ELMO1: variants seen among roughly 807,000 people sequenced by gnomAD.
ELMO1 encodes the protein engulfment and cell motility 1.
ELMO1 carries 26 observed loss-of-function variants against 98.9 expected under a neutral mutation model. The ratio of observed to expected loss-of-function variants is 0.26; its 90% CI spans 0.19 to 0.36. ELMO1 has a LOEUF of 0.36. ELMO1 is among the 10% of genes least tolerant of loss of function. The pLI is 1.00. For missense variants in ELMO1, 627 were observed against 935.2 expected (o/e 0.67, Z 4.30); for synonymous variants, 346 against 346.0 (o/e 1.00, Z 0.00).
rs547686562 is a variant in ELMO1 at position 37,027,140 on chromosome 7, A to T, written c.1301-13705T>A. Among the ~76,000 whole-genome samples the T allele has an allele frequency of 2.0e-5, 3 of 152,270 alleles. No individual in the cohort carries two copies. The East Asian group carries it at 5.8e-4, about 29-fold the overall frequency. ...AATAGTTCATCCTTCAAAATGACCC[A>T]TTCTTCCTCCCTCTCTCCCCCAACT... On this transcript the variant is annotated intron_variant, in intron 15 of 21. Coordinates refer to ENST00000310758, the MANE Select transcript of ELMO1 (RefSeq NM_014800.11).
chr7:36,888,302 T>A (rs747289294), intron 17 of ELMO1, among the ~76,000 whole-genome samples: 4 of 152,218 alleles, frequency 2.6e-5, no homozygotes, highest in Non-Finnish European at 5.9e-5. Context: ...TTGAGATCCA[T>A]TATGCTGCAA....
chr7:37,303,995 T>C (rs185592483), intron 4 of ELMO1, among the ~76,000 whole-genome samples: 2 of 152,292 alleles, frequency 1.3e-5, no homozygotes, highest in Admixed American at 1.3e-4. Context: ...GCTGCCCTGC[T>C]CTTCCGAGCT....
At chr7:37,032,543 G>A (rs1217308277) in intron 15 of ELMO1, among the ~76,000 whole-genome samples, 1 of 152,192 alleles carries the variant, frequency 6.6e-6, no homozygotes, top group Non-Finnish European at 1.5e-5. Context: ...CAGAGCCGCT[G>A]TTGATAAAAT....
intron 1 of ELMO1, among the ~76,000 whole-genome samples, chr7:37,383,965 G>A (rs1364259679): frequency 1.3e-5 from 2 of 152,050 alleles, no homozygotes; most frequent in African/African-American, 4.8e-5. Flanking sequence ...ACAAGCGCCC[G>A]CCACCGCGCC....
chr7:37,350,352 A>G (rs1231566114), intron 1 of ELMO1, among the ~76,000 whole-genome samples: 1 of 152,186 alleles, frequency 6.6e-6, no homozygotes, highest in Non-Finnish European at 1.5e-5. Flanking sequence ...GCTATTAGCT[A>G]CGGTTGGCTT....
chr7:36,897,792 A>C (rs1267850968), intron 16 of ELMO1, among the ~76,000 whole-genome samples: 1 of 152,230 alleles, frequency 6.6e-6, no homozygotes, highest in Non-Finnish European at 1.5e-5. Context: ...TAGATGCAAG[A>C]ATACATAAGT....
intron 1 of ELMO1, among the ~76,000 whole-genome samples, chr7:37,432,006 C>T (rs190671772): frequency 1.3e-5 from 2 of 152,256 alleles, no homozygotes; most frequent in Admixed American, 1.3e-4. Flanking sequence ...CTCAGCCTCC[C>T]GAGTATCTGG....
chr7:36,905,149 C>T (rs1308641798), intron 16 of ELMO1, among the ~76,000 whole-genome samples: 1 of 152,202 alleles, frequency 6.6e-6, no homozygotes, highest in African/African-American at 2.4e-5. Flanking sequence ...AACTCTTTCA[C>T]CAACAGGATT....
At position 37,271,796 on chromosome 7, in the gene ELMO1, G is replaced by C. The variant is rs201840532; in HGVS notation, c.243+36C>G. ...ACATATAGCAGAAACGCAGAGCAAA[G>C]AGTTTGCTGGAAGTCAGAAGCTAAG... On this transcript the variant is annotated intron_variant, in intron 5 of 21. Coordinates refer to ENST00000310758, the MANE Select transcript of ELMO1 (RefSeq NM_014800.11). 264 of 1,605,082 alleles carry C rather than the reference G, an allele frequency of 1.6e-4. 3 individuals carry two copies. In the East Asian group the frequency reaches 5.8e-3, roughly 35 times the overall value.
At chr7:37,359,282 A>G (rs1007737613) in intron 1 of ELMO1, among the ~76,000 whole-genome samples, 2 of 152,234 alleles carry the variant, frequency 1.3e-5, no homozygotes, top group African/African-American at 4.8e-5. Flanking sequence ...GCAGCAGAAT[A>G]CAGCAGTTAA....
Position 37,314,891 on chromosome 7 carries a change from G to A in ELMO1, c.151C>T (p.Leu51Phe), listed in dbSNP as rs763346227. The A allele has an allele frequency of 5.0e-6, 8 of 1,613,670 alleles. No individual in the cohort carries two copies. The highest frequency in any genetic ancestry group is 6.8e-6 in the Non-Finnish European group (8 of 1,179,914). ...WSLANHEYFA[L>F]QHADSSNFYI... ...AAGTTTGAACTATCGGCATGCTGGAGTGCAAAATATTCATGGTTGGCAAGA... is the reference window on the plus strand; with the variant it reads ...AAGTTTGAACTATCGGCATGCTGGAATGCAAAATATTCATGGTTGGCAAGA... Residue 51 changes from leucine to phenylalanine, a missense_variant, in exon 4 of 22, where the codon CTC becomes TTC. Coordinates refer to ENST00000310758, the MANE Select transcript of ELMO1 (RefSeq NM_014800.11).
chr7:36,938,204 C>T (rs977078779), intron 16 of ELMO1, among the ~76,000 whole-genome samples: 6 of 152,126 alleles, frequency 3.9e-5, no homozygotes, highest in African/African-American at 1.4e-4. Context: ...TGTGTTTCTT[C>T]CAGTTATAGT....
chr7:36,875,028 C>A (rs1392671216), intron 19 of ELMO1, among the ~76,000 whole-genome samples: 1 of 152,200 alleles, frequency 6.6e-6, no homozygotes, highest in Non-Finnish European at 1.5e-5. Flanking sequence ...CACGGATTAA[C>A]TCAAGGGGCA....
At chr7:37,361,289 A>T (rs1377397448) in intron 1 of ELMO1, among the ~76,000 whole-genome samples, 1 of 152,258 alleles carries the variant, frequency 6.6e-6, no homozygotes, top group East Asian at 1.9e-4. Flanking sequence ...ATACAATGGA[A>T]GACTACTCAG....
chr7:37,342,858 G>T lies in ELMO1; in HGVS notation c.-73-95C>A. 2.6e-5 allele frequency: 16 copies of T among 608,358 alleles called. No homozygotes were observed. Among genetic ancestry groups the T allele is most frequent in the East Asian group, 1.0e-4 (3 of 29,786 alleles). The allele number at this position is 608,358 out of a possible 1,614,324, so 37.7% of individuals were successfully genotyped here. A position where few individuals can be genotyped will look rare whatever the true frequency, so the allele number is the denominator to read the frequency against. Reference sequence around the variant, plus strand: ...ACTTCCTGTTTTCACTGGTGGTTTGGTATGAAAAACGGCTCCCCTTGGTGC... The same window carrying T: ...ACTTCCTGTTTTCACTGGTGGTTTGTTATGAAAAACGGCTCCCCTTGGTGC... On this transcript the variant is annotated intron_variant, in intron 1 of 21. Transcript: ENST00000310758. This position sits in a 1 kb window ranked among gnomAD's most constrained non-coding sequence, Gnocchi z 4.3.
intron 1 of ELMO1, among the ~76,000 whole-genome samples, chr7:37,432,079 C>T (rs1384513672): frequency 6.6e-6 from 1 of 152,146 alleles, no homozygotes; most frequent in Non-Finnish European, 1.5e-5. Context: ...AGGGATTTCT[C>T]CATGTTGGTC....
At chr7:37,026,331 A>G (rs540350659) in intron 15 of ELMO1, among the ~76,000 whole-genome samples, 2 of 152,166 alleles carry the variant, frequency 1.3e-5, no homozygotes, top group Non-Finnish European at 2.9e-5. Context: ...TGGGGCTCAG[A>G]GCATTAGCCA....
At chr7:36,885,931 T>C (rs1042120601) in intron 18 of ELMO1, among the ~76,000 whole-genome samples, 1 of 152,194 alleles carries the variant, frequency 6.6e-6, no homozygotes, top group Non-Finnish European at 1.5e-5. Flanking sequence ...ATGATAGCCT[T>C]GGGAGACAGG....
intron 21 of ELMO1, among the ~76,000 whole-genome samples, chr7:36,857,615 G>A (rs1802306645): frequency 6.6e-6 from 1 of 152,060 alleles, no homozygotes; most frequent in Non-Finnish European, 1.5e-5. Flanking sequence ...AAAGTACATC[G>A]ACCAATAAAT....
Sources: gnomAD v4.1 joint callset for allele counts (sites outside exome capture counted in the v4.1 genomes callset) on GRCh38, gnomAD v4.1.1 for gene constraint, Gnocchi (gnomAD v3.1) non-coding constraint, MANE v1.5 for transcripts, NCBI Gene and HGNC (gene_info 2026-07-23, HGNC 2026-07-21) for gene names.